ATP10B: variants seen among roughly 807,000 people sequenced by gnomAD.
ATP10B encodes the protein ATPase phospholipid transporting 10B (putative).
In ATP10B, 122 loss-of-function variants were observed where a neutral mutation model predicts 141.2. The observed-to-expected ratio is 0.86, with a 90% CI of 0.75 to 1.00. ATP10B has a LOEUF of 1.00. Ranked by LOEUF, ATP10B falls within the 50% of genes least tolerant of loss-of-function variation. The pLI is 0.00. For synonymous variants in ATP10B, 685 were observed against 692.0 expected (o/e 0.99, Z 0.16); for missense variants, 1,876 against 1,825.3 (o/e 1.03, Z -0.51).
At chr5:160,862,591 A>G in the ATP10B span, among the ~76,000 whole-genome samples, 139 of 152,086 alleles carry the variant, frequency 9.1e-4, no homozygotes, top group African/African-American at 3.1e-3. Flanking sequence ...CTTTCATGTC[A>G]CTAACCTAAT....
intron 1 of ATP10B, among the ~76,000 whole-genome samples, chr5:160,795,273 A>C (rs1453039447): frequency 1.3e-5 from 2 of 152,342 alleles, no homozygotes; most frequent in East Asian, 3.9e-4. Flanking sequence ...ACAGCTACCT[A>C]GACAAGAATA....
chr5:160,620,855 T>C lies in ATP10B; in HGVS notation c.1908A>G (p.Ser636=), dbSNP rs759840959. ...QKLKLLSLSQ[S]FSSTAPSDTD... ...TGTCAGAGGGTGCAGTGGATGAGAA[T>C]GACTGGCTGAGGCTCAATAGCTTCA... Residue 636 remains serine, a synonymous_variant, in exon 15 of 26, where the codon TCA becomes TCG. Coordinates refer to ENST00000327245, the MANE Select transcript of ATP10B (RefSeq NM_025153.3). 8.1e-6 allele frequency: 13 copies of C among 1,614,232 alleles called. No homozygotes were observed. The highest frequency in any genetic ancestry group is 1.0e-5 in the Non-Finnish European group (12 of 1,180,034).
chr5:160,839,372 A>G (rs1455132799), intron 1 of ATP10B, among the ~76,000 whole-genome samples: 1 of 152,160 alleles, frequency 6.6e-6, no homozygotes, highest in East Asian at 1.9e-4. Flanking sequence ...GTCAAAAACT[A>G]TGTTATGAAA....
chr5:160,750,211 G>A (rs140327495), intron 2 of ATP10B, among the ~76,000 whole-genome samples: 1 of 152,114 alleles, frequency 6.6e-6, no homozygotes, highest in Non-Finnish European at 1.5e-5. Context: ...AGCTAAACAT[G>A]TCATCTTCTC....
intron 3 of ATP10B, among the ~76,000 whole-genome samples, chr5:160,697,369 C>A (rs958763260): frequency 6.6e-6 from 1 of 152,026 alleles, no homozygotes; most frequent in Non-Finnish European, 1.5e-5. Flanking sequence ...TGGGGAAGGC[C>A]GAACTTTAGC....
intron 1 of ATP10B, among the ~76,000 whole-genome samples, chr5:160,835,420 G>A (rs1447069556): frequency 6.6e-6 from 1 of 152,056 alleles, no homozygotes; most frequent in Non-Finnish European, 1.5e-5. Context: ...ATGGAAAGAG[G>A]AGCATATGGT....
At chr5:160,892,103 G>T in the ATP10B span, among the ~76,000 whole-genome samples, 1 of 152,114 alleles carries the variant, frequency 6.6e-6, no homozygotes, top group Non-Finnish European at 1.5e-5. Flanking sequence ...TCTTTTATAT[G>T]TTCTTTAGTG....
chr5:160,820,250 A>G (rs1773998080), intron 1 of ATP10B, among the ~76,000 whole-genome samples: 1 of 152,070 alleles, frequency 6.6e-6, no homozygotes, highest in Admixed American at 6.6e-5. Context: ...AAGAGCAACT[A>G]TATATCAATA....
At chr5:160,811,776 T>C (rs909047018) in intron 1 of ATP10B, among the ~76,000 whole-genome samples, 12 of 152,162 alleles carry the variant, frequency 7.9e-5, no homozygotes, top group Admixed American at 2.6e-4. Flanking sequence ...AACTCATTAC[T>C]CTGAAAGGAA....
At chr5:160,806,978 CAAGAA>C (rs981835410) in intron 1 of ATP10B, among the ~76,000 whole-genome samples, 5 of 151,910 alleles carry the variant, frequency 3.3e-5, no homozygotes, top group African/African-American at 1.2e-4. Context: ...GCCTCATTTT[CAAGAA>C]AAGAAAAGAC....
chr5:160,699,403 G>T (rs1230242058), intron 3 of ATP10B, among the ~76,000 whole-genome samples: 5 of 152,198 alleles, frequency 3.3e-5, no homozygotes, highest in Non-Finnish European at 5.9e-5. Context: ...GGTGATAAAA[G>T]TTGTTCAAAG....
chr5:160,723,720 G>A (rs1269581919), intron 2 of ATP10B, among the ~76,000 whole-genome samples: 1 of 152,110 alleles, frequency 6.6e-6, no homozygotes, highest in African/African-American at 2.4e-5. Flanking sequence ...ATGTATAACA[G>A]TCTATTTCTT....
chr5:160,603,786 G>A (rs891616828), intron 20 of ATP10B, 179 bp downstream of exon 20: 11 of 548,704 alleles, frequency 2.0e-5, no homozygotes, highest in South Asian at 8.2e-5. Context: ...TTGACACTAC[G>A]AAAGTGTACA....
chr5:160,792,543 T>C (rs1022820416), intron 1 of ATP10B, among the ~76,000 whole-genome samples: 1 of 152,104 alleles, frequency 6.6e-6, no homozygotes, highest in Non-Finnish European at 1.5e-5. Context: ...GCCAGGACTC[T>C]TTCCCCCACT....
At chr5:160,580,518 T>C (rs1755474996) in intron 24 of ATP10B, among the ~76,000 whole-genome samples, 1 of 152,152 alleles carries the variant, frequency 6.6e-6, no homozygotes, top group African/African-American at 2.4e-5. Flanking sequence ...GCTGACTTGA[T>C]TGTGGGTGGA....
intron 2 of ATP10B, among the ~76,000 whole-genome samples, chr5:160,755,026 T>G (rs765704910): frequency 1.4e-4 from 21 of 152,216 alleles, no homozygotes; most frequent in Non-Finnish European, 2.6e-4. Context: ...TATTAGTCTG[T>G]TTTCATATTG....
At chr5:160,645,116 TAA>T (rs55774256) in intron 8 of ATP10B, among the ~76,000 whole-genome samples, 220 of 134,350 alleles carry the variant, frequency 1.6e-3, no homozygotes, top group Middle Eastern at 3.9e-3. Flanking sequence ...GACTCCATCT[TAA>T]AAAAAAAAAA....
At chr5:160,628,017 T>C (rs1581223356) in intron 13 of ATP10B, among the ~76,000 whole-genome samples, 1 of 152,238 alleles carries the variant, frequency 6.6e-6, no homozygotes, top group East Asian at 1.9e-4. Flanking sequence ...ATTTTCCTGG[T>C]TGCTGGGGAG....
At chr5:160,828,471 A>G (rs62392625) in intron 1 of ATP10B, among the ~76,000 whole-genome samples, 12 of 151,952 alleles carry the variant, frequency 7.9e-5, no homozygotes, top group South Asian at 6.2e-4. Context: ...CATCATCACT[A>G]GCCATCAGAG....
Sources: gnomAD v4.1 joint callset for allele counts (sites outside exome capture counted in the v4.1 genomes callset) on GRCh38, gnomAD v4.1.1 for gene constraint, MANE v1.5 for transcripts, NCBI Gene and HGNC (gene_info 2026-07-23, HGNC 2026-07-21) for gene names.